The following ABCC1 variants were observed in gnomAD, a reference collection of about 807,000 sequenced individuals.
ABCC1 encodes the protein ATP binding cassette subfamily C member 1 (ABCC1 blood group), also known as multidrug resistance-associated protein 1.
ABCC1 carries 83 observed loss-of-function variants against 172.9 expected under a neutral mutation model. The observed-to-expected ratio is 0.48, with a 90% CI of 0.40 to 0.58. The LOEUF (loss-of-function observed/expected upper bound fraction) is 0.58. Among genes scored for constraint, ABCC1 ranks in the 20% least tolerant of loss-of-function variants. The probability of loss-of-function intolerance (pLI) is 0.00; values close to 1 mark genes in which losing one functional copy is unlikely to be tolerated. For missense variants in ABCC1, 1,817 were observed against 2,002.7 expected (o/e 0.91, Z 1.77); for synonymous variants, 937 against 825.2 (o/e 1.14, Z -2.32).
Position 16,044,686 on chromosome 16 carries a change from A to G in ABCC1, c.1040+6A>G. On this transcript the variant is annotated splice_donor_region_variant and intron_variant, in intron 8 of 30. Transcript: ENST00000399410. ...TCCGGGCCGCAGATCTTAAAGTAAG[A>G]CCCCTTCCCTCCCAGGTGGGCTCCA... 1 of 1,611,652 alleles carries G rather than the reference A, an allele frequency of 6.2e-7. No individual in the cohort carries two copies. The highest frequency in any genetic ancestry group is 8.5e-7 in the Non-Finnish European group (1 of 1,178,112).
intron 1 of ABCC1, among the ~76,000 whole-genome samples, chr16:15,981,881 GCT>G (rs202101706): frequency 0.012 from 1,851 of 152,178 alleles, 43 homozygotes; most frequent in African/African-American, 0.042. Context: ...ACACTTTGTT[GCT>G]TAGAAATTTC....
chr16:16,093,225 G>T (rs1349199368), intron 19 of ABCC1, among the ~76,000 whole-genome samples: 1 of 151,876 alleles, frequency 6.6e-6, no homozygotes, highest in Non-Finnish European at 1.5e-5. Flanking sequence ...TGCTTGGCAG[G>T]CTACTTTTAG....
At chr16:16,035,492 A>G (rs905075529) in intron 6 of ABCC1, among the ~76,000 whole-genome samples, 16 of 138,940 alleles carry the variant, frequency 1.2e-4, no homozygotes, top group African/African-American at 3.4e-4. Context: ...CCTTCAGCCT[A>G]TTTTTTTTTT....
At position 16,036,536 on chromosome 16, in the gene ABCC1, G is replaced by A. The variant is rs1263622382; in HGVS notation, c.742G>A (p.Asp248Asn). The A allele has an allele frequency of 6.2e-7, 1 of 1,614,120 alleles. No homozygotes were observed. Among genetic ancestry groups the A allele is most frequent in the Non-Finnish European group, 8.5e-7 (1 of 1,179,950 alleles). ...GSDLWSLNKEDTSEQVVPVLV... is the reference protein window; with the variant it reads ...GSDLWSLNKENTSEQVVPVLV... The stretch of plus-strand genomic sequence containing the variant: ...TGACCTCTGGTCCTTAAACAAGGAG[G>A]ACACGTCGGAACAAGTCGTGCCTGT... Residue 248 changes from aspartate to asparagine, a missense_variant, in exon 7 of 31, where the codon GAC becomes AAC. By Grantham distance (23) the Asp-to-Asn change is conservative. Around this residue, in one of 3 missense-constraint regions of ABCC1, gnomAD observed 398 missense variants for 384.2 expected, o/e 1.04. Coordinates refer to ENST00000399410, the MANE Select transcript of ABCC1 (RefSeq NM_004996.4).
intron 1 of ABCC1, among the ~76,000 whole-genome samples, chr16:15,980,020 A>G (rs956312319): frequency 6.6e-6 from 1 of 152,138 alleles, no homozygotes; most frequent in Non-Finnish European, 1.5e-5. Context: ...CGCTAAAGAA[A>G]CAGTCTGGGG....
intron 1 of ABCC1, among the ~76,000 whole-genome samples, chr16:15,961,667 T>G (rs1225503701): frequency 6.6e-6 from 1 of 152,154 alleles, no homozygotes; most frequent in Non-Finnish European, 1.5e-5. Flanking sequence ...CCTAGTTGGG[T>G]ATTTTAAATA....
chr16:16,033,344 C>A (rs755377748), intron 6 of ABCC1, among the ~76,000 whole-genome samples, 174 bp downstream of exon 6: 6 of 152,214 alleles, frequency 3.9e-5, no homozygotes, highest in Non-Finnish European at 8.8e-5. Context: ...CCAACTCTGT[C>A]CGGCAGTTCC....
At chr16:16,074,953 T>G (rs1431576360) in intron 14 of ABCC1, among the ~76,000 whole-genome samples, 1 of 150,060 alleles carries the variant, frequency 6.7e-6, no homozygotes. Flanking sequence ...TTTTCTTTTT[T>G]TTTTTTTTTT....
At chr16:16,044,387 C>A in intron 7 of ABCC1, 63 bp from the exon 8 acceptor site, 1 of 1,420,016 alleles carries the variant, frequency 7.0e-7, no homozygotes, top group Non-Finnish European at 9.9e-7. Context: ...CTGGCCATGT[C>A]CCTGTGGTAG....
intron 5 of ABCC1, among the ~76,000 whole-genome samples, chr16:16,019,348 C>T (rs2048117443): frequency 6.6e-6 from 1 of 152,142 alleles, no homozygotes; most frequent in African/African-American, 2.4e-5. Context: ...AAGTGATCCA[C>T]CCGCCTCGGC....
chr16:15,965,683 G>C (rs564435003), intron 1 of ABCC1, among the ~76,000 whole-genome samples: 27 of 152,146 alleles, frequency 1.8e-4, no homozygotes, highest in African/African-American at 6.5e-4. Context: ...TGTGACCTCT[G>C]CCTCCTGGGT....
At chr16:15,998,768 T>C (rs1415435564) in intron 1 of ABCC1, among the ~76,000 whole-genome samples, 1 of 152,214 alleles carries the variant, frequency 6.6e-6, no homozygotes, top group Non-Finnish European at 1.5e-5. Context: ...CTCTGGTTTC[T>C]TCTGTAGCTT....
chr16:16,014,635 G>A lies in ABCC1; in HGVS notation c.489+7G>A, dbSNP rs773017747. The A allele has an allele frequency of 1.2e-6, 2 of 1,613,214 alleles. No homozygotes were observed. Among genetic ancestry groups the A allele is most frequent in the South Asian group, 2.2e-5 (2 of 91,014 alleles). On this transcript the variant is annotated splice_region_variant and intron_variant, in intron 4 of 30. Coordinates refer to ENST00000399410, the MANE Select transcript of ABCC1 (RefSeq NM_004996.4). Reference sequence around the variant, plus strand: ...TATGACAGCCTTAAAAGAGGTAAGTGGCAGTCTCCTTCCTCATCTTCCTTC... The same window carrying A: ...TATGACAGCCTTAAAAGAGGTAAGTAGCAGTCTCCTTCCTCATCTTCCTTC...
At chr16:15,981,564 T>C (rs1197286796) in intron 1 of ABCC1, among the ~76,000 whole-genome samples, 1 of 152,146 alleles carries the variant, frequency 6.6e-6, no homozygotes, top group Non-Finnish European at 1.5e-5. Context: ...TAGCCACAGT[T>C]GAAGCAACTG....
At chr16:16,132,101 C>G (rs1043471406) in intron 27 of ABCC1, among the ~76,000 whole-genome samples, 166 bp downstream of exon 27, 9 of 152,132 alleles carry the variant, frequency 5.9e-5, no homozygotes, top group African/African-American at 2.2e-4. Flanking sequence ...AAAAGCTGTT[C>G]AGAGCGCATA....
At chr16:16,054,574 TGGAA>T (rs924928570) in intron 11 of ABCC1, among the ~76,000 whole-genome samples, 1 of 148,862 alleles carries the variant, frequency 6.7e-6, no homozygotes, top group African/African-American at 2.5e-5. Context: ...ATGGGCCTGT[TGGAA>T]GGAGAGGCCT....
rs547362482 is a variant in ABCC1 at position 16,055,239 on chromosome 16, A to AG, written c.1474-852dup. Among the ~76,000 whole-genome samples the AG allele has an allele frequency of 7.1e-3, 1,084 of 152,082 alleles. 7 individuals carry two copies. Among genetic ancestry groups the AG allele is most frequent in the Non-Finnish European group, 0.012 (791 of 67,972 alleles). On this transcript the variant is annotated intron_variant, in intron 11 of 30. Coordinates refer to ENST00000399410, the MANE Select transcript of ABCC1 (RefSeq NM_004996.4). ...AGTGAGATGATGTTTCCAAAAAAAA[A>AG]GAAAACTGGGCTGACAAGAAATAAG... is the stretch of plus-strand genomic sequence containing the variant.
At chr16:15,998,712 G>A (rs2047143172) in intron 1 of ABCC1, among the ~76,000 whole-genome samples, 1 of 152,160 alleles carries the variant, frequency 6.6e-6, no homozygotes, top group Non-Finnish European at 1.5e-5. Context: ...TTTGCTCAGC[G>A]TTTCCTGACC....
intron 1 of ABCC1, among the ~76,000 whole-genome samples, chr16:15,977,128 C>G (rs2046513381): frequency 6.6e-6 from 1 of 152,128 alleles, no homozygotes; most frequent in Admixed American, 6.5e-5. Flanking sequence ...GTGGTGGAGA[C>G]TGGGGTGTCT....
Sources: allele counts gnomAD v4.1 joint callset (sites outside exome capture counted in the v4.1 genomes callset), GRCh38; gene constraint gnomAD v4.1.1; regional missense constraint gnomAD v4.1.1; transcripts MANE v1.5; gene names NCBI Gene and HGNC (gene_info 2026-07-23, HGNC 2026-07-21).